DIAPH2: variants seen among roughly 807,000 people sequenced by gnomAD.
DIAPH2 encodes the protein diaphanous related formin 2.
A neutral mutation model predicts 92.7 loss-of-function variants in DIAPH2; 35 were observed. The ratio of observed to expected loss-of-function variants is 0.38; its 90% CI spans 0.29 to 0.50. DIAPH2 has a LOEUF of 0.50. DIAPH2 is among the 20% of genes least tolerant of loss of function. The pLI, the probability that DIAPH2 is intolerant of heterozygous loss-of-function variation, is 0.94. For missense variants in DIAPH2, 701 were observed against 819.5 expected (o/e 0.86, Z 1.77); for synonymous variants, 301 against 280.4 (o/e 1.07, Z -0.73).
At chrX:97,508,853 A>G (rs982245755) in intron 26 of DIAPH2, among the ~76,000 whole-genome samples, 1 of 110,047 alleles carries the variant, frequency 9.1e-6, no homozygotes, top group Non-Finnish European at 1.9e-5. Flanking sequence ...CTTTCATAAT[A>G]CCAGCTTGAA....
At chrX:96,686,375 A>C (rs1175562704) in intron 1 of DIAPH2, among the ~76,000 whole-genome samples, 1 of 108,439 alleles carries the variant, frequency 9.2e-6, no homozygotes, top group African/African-American at 3.4e-5. Flanking sequence ...TGCCACTTTT[A>C]AGAAGTATGC....
At chrX:97,592,253 T>C (rs1433881774) in intron 26 of DIAPH2, among the ~76,000 whole-genome samples, 1 of 112,074 alleles carries the variant, frequency 8.9e-6, no homozygotes, top group Non-Finnish European at 1.9e-5. Flanking sequence ...GTTTGTTTGA[T>C]AATGTACCTT....
At chrX:96,751,127 T>C (rs913199996) in intron 3 of DIAPH2, among the ~76,000 whole-genome samples, 7 of 110,866 alleles carry the variant, frequency 6.3e-5, no homozygotes, top group Non-Finnish European at 1.1e-4. Context: ...GGTTCAACTT[T>C]TGACCTTCTC....
intron 17 of DIAPH2, among the ~76,000 whole-genome samples, chrX:96,973,856 C>T (rs1334042331): frequency 9.1e-6 from 1 of 110,042 alleles, no homozygotes; most frequent in Non-Finnish European, 1.9e-5. Flanking sequence ...CCATCACGCC[C>T]GACTAATTTT....
intron 17 of DIAPH2, among the ~76,000 whole-genome samples, chrX:97,016,895 AT>A (rs1235231838): frequency 8.9e-6 from 1 of 112,312 alleles, no homozygotes; most frequent in Non-Finnish European, 1.9e-5. Flanking sequence ...AAGAGAATAT[AT>A]CAGTTTCACG....
At chrX:97,326,419 T>C (rs2068951923) in intron 23 of DIAPH2, among the ~76,000 whole-genome samples, 1 of 112,014 alleles carries the variant, frequency 8.9e-6, no homozygotes, top group Non-Finnish European at 1.9e-5. Flanking sequence ...AAAGCAGGGT[T>C]GGTTTAGAGA....
chrX:96,879,230 G>A (rs934667443), intron 4 of DIAPH2, among the ~76,000 whole-genome samples: 3 of 110,515 alleles, frequency 2.7e-5, no homozygotes, highest in East Asian at 5.6e-4. Flanking sequence ...AGAATGTGGG[G>A]TGGGGAGAAG....
chrX:96,919,010 T>C (rs5920941), intron 9 of DIAPH2, among the ~76,000 whole-genome samples: 13,645 of 111,476 alleles, frequency 0.12, 1,122 homozygotes, highest in African/African-American at 0.29. Flanking sequence ...ATTCAGACAA[T>C]ATTCAAAGGT....
At chrX:96,949,912 G>A (rs976472918) in intron 15 of DIAPH2, among the ~76,000 whole-genome samples, 5 of 108,999 alleles carry the variant, frequency 4.6e-5, no homozygotes, top group African/African-American at 1.7e-4. Context: ...TAACATAGTG[G>A]GTGCTCAGTA....
At chrX:96,758,328 A>C in intron 4 of DIAPH2, 70 bp downstream of exon 4, 1 of 917,369 alleles carries the variant, frequency 1.1e-6, no homozygotes, top group Non-Finnish European at 1.5e-6. Flanking sequence ...CTTAAAAATA[A>C]ACAAACCTCA....
At chrX:96,779,773 G>A (rs759651520) in intron 4 of DIAPH2, among the ~76,000 whole-genome samples, 4 of 112,183 alleles carry the variant, frequency 3.6e-5, no homozygotes, top group Non-Finnish European at 7.5e-5. Flanking sequence ...ATATAGAAAT[G>A]TATGTTGCCA....
In DIAPH2 at chrX:97,427,489, TGTGAGGATTAA is replaced by T. The variant is rs1340578184; in HGVS notation, c.3146-2160_3146-2150del. The stretch of plus-strand genomic sequence containing the variant: ...ACATATAGTTCTTATCTCAGTATGT[TGTGAGGATTAA>T]AATATCTAACAACTGTAAAGTGTCA... On this transcript the variant is annotated intron_variant, in intron 25 of 26. Coordinates refer to ENST00000324765, the MANE Select transcript of DIAPH2 (RefSeq NM_006729.5). Among the ~76,000 whole-genome samples, 4 of 111,700 alleles carry T rather than the reference TGTGAGGATTAA, an allele frequency of 3.6e-5. No homozygotes were observed. The East Asian group carries it at 1.1e-3, about 31-fold the overall frequency.
chrX:97,272,322 T>A (rs1333772197), intron 23 of DIAPH2, among the ~76,000 whole-genome samples: 1 of 111,845 alleles, frequency 8.9e-6, no homozygotes, highest in Non-Finnish European at 1.9e-5. Context: ...GAGTGCCTAT[T>A]TGTGAACAAG....
chrX:96,694,774 A>G (rs554320393), intron 1 of DIAPH2, among the ~76,000 whole-genome samples: 3 of 111,880 alleles, frequency 2.7e-5, no homozygotes, highest in East Asian at 2.8e-4. Flanking sequence ...ATGCTCTGCA[A>G]TCTAGTACCT....
At chrX:96,862,908 G>T (rs937135504) in intron 4 of DIAPH2, among the ~76,000 whole-genome samples, 1 of 111,143 alleles carries the variant, frequency 9.0e-6, no homozygotes, top group African/African-American at 3.3e-5. Context: ...CAACAAGAAG[G>T]TGTTAGGACT....
rs1224487652 is a variant in DIAPH2, at chrX:97,601,619, A to AATT, written c.*2304_*2306dup. 1 of 111,872 alleles carries AATT rather than the reference A, an allele frequency of 8.9e-6. No individual in the cohort carries two copies. Among genetic ancestry groups the AATT allele is most frequent in the Non-Finnish European group, 1.9e-5 (1 of 53,150 alleles). 9.2% of individuals were successfully genotyped at this position (111,872 alleles called of 1,213,427 possible). A position where few individuals can be genotyped will look rare whatever the true frequency, so the allele number is the denominator to read the frequency against. On this transcript the variant is annotated 3_prime_UTR_variant, in exon 27 of 27. Coordinates refer to ENST00000324765, the MANE Select transcript of DIAPH2 (RefSeq NM_006729.5). ...TAGTGACATTTTTAGTATGAAACCA[A>AATT]ATTACACTAAGGTCTTTTGTTGGCC...
At chrX:97,355,317 T>G (rs1291123448) in intron 24 of DIAPH2, among the ~76,000 whole-genome samples, 1 of 110,549 alleles carries the variant, frequency 9.0e-6, no homozygotes, top group African/African-American at 3.3e-5. Flanking sequence ...TGAGGGTGAA[T>G]TTTTACATGA....
At chrX:96,884,007 G>A (rs2065238741) in intron 5 of DIAPH2, 2 of 228,124 alleles carry the variant, frequency 8.8e-6, no homozygotes, top group Non-Finnish European at 1.6e-5. Context: ...TAAGCAACAG[G>A]GCTCCCCTCG....
intron 4 of DIAPH2, among the ~76,000 whole-genome samples, chrX:96,772,421 TG>T (rs2064345354): frequency 8.9e-6 from 1 of 112,197 alleles, no homozygotes; most frequent in Non-Finnish European, 1.9e-5. Context: ...GAAAGCTATA[TG>T]GACAGTCTTT....
Sources: allele counts gnomAD v4.1 joint callset (sites outside exome capture counted in the v4.1 genomes callset), GRCh38; gene constraint gnomAD v4.1.1; transcripts MANE v1.5; gene names NCBI Gene and HGNC (gene_info 2026-07-23, HGNC 2026-07-21).